The following AGAP3 variants were observed in gnomAD, a reference collection of about 807,000 sequenced individuals.
The protein encoded by AGAP3 is ArfGAP with GTPase domain, ankyrin repeat and PH domain 3.
In AGAP3, 24 loss-of-function variants were observed where a neutral mutation model predicts 96.9. The observed-to-expected ratio is 0.25, with a 90% confidence interval of 0.18 to 0.35. The LOEUF (loss-of-function observed/expected upper bound fraction) is 0.35, where lower values mean the gene tolerates loss of function less well. Among genes scored for constraint, AGAP3 ranks in the 10% least tolerant of loss-of-function variants. The pLI is 1.00. For synonymous variants in AGAP3, 563 were observed against 536.1 expected, an observed-to-expected ratio of 1.05 and a Z score of -0.69; for missense variants, 876 against 1,254.2, an observed-to-expected ratio of 0.70 and a Z score of 4.55.
chr7:151,122,933 CA>C, intron 8 of AGAP3: 2 of 1,454,690 alleles, frequency 1.4e-6, no homozygotes, highest in Non-Finnish European at 1.8e-6. Flanking sequence ...TAACTAACCC[CA>C]CCCCCAGGGA....
intron 12 of AGAP3, 24 bp downstream of exon 12, chr7:151,138,337 C>A: frequency 6.3e-7 from 1 of 1,588,224 alleles, no homozygotes; most frequent in Non-Finnish European, 8.6e-7. Context: ...CTGCTGCTTC[C>A]CACCTTTTCT....
intron 10 of AGAP3, among the ~76,000 whole-genome samples, chr7:151,131,630 G>A (rs1800406836): frequency 6.6e-6 from 1 of 152,186 alleles, no homozygotes; most frequent in East Asian, 1.9e-4. Context: ...GGGCACGAGG[G>A]CGTGGAATCC....
Position 151,142,748 on chromosome 7 carries a change from G to A in AGAP3, c.2273+114G>A, listed in dbSNP as rs1188693699. ...ATTAGAAGGGTTAAAACTGTCTGTTGCTCTGCTTGGCAGTTGGCCCCTTGG... is the reference window on the plus strand; with the variant it reads ...ATTAGAAGGGTTAAAACTGTCTGTTACTCTGCTTGGCAGTTGGCCCCTTGG... On this transcript the variant is annotated intron_variant, in intron 16 of 17. Coordinates refer to ENST00000397238, the MANE Select transcript of AGAP3 (RefSeq NM_031946.7). The surrounding 1 kb of genome is among the most constrained non-coding windows in gnomAD (Gnocchi z 7.5). 2.6e-6 allele frequency: 3 copies of A among 1,175,752 alleles called. No individual in the cohort carries two copies. The Admixed American group carries it at 6.8e-5, about 27-fold the overall frequency. The allele number at this position is 1,175,752 out of a possible 1,614,324, so 72.8% of individuals were successfully genotyped here.
rs1799806648 is a variant in AGAP3, at chr7:151,120,130, C to T, written c.1113C>T (p.Arg371=). Residue 371 remains arginine, a synonymous_variant, in exon 8 of 18, where the codon CGC becomes CGT. Transcript: ENST00000397238. ...PTPIRKQSKR[R]SNIFTSRKGA... Reference sequence around the variant, plus strand: ...CCATCCGAAAGCAGTCCAAGCGGCGCTCCAACATCTTCACGGTACGTGACT... The same window carrying T: ...CCATCCGAAAGCAGTCCAAGCGGCGTTCCAACATCTTCACGGTACGTGACT... The T allele has an allele frequency of 6.2e-7, 1 of 1,611,238 alleles. No individual in the cohort carries two copies.
At chr7:151,090,943 C>CA (rs946951446) in intron 1 of AGAP3, among the ~76,000 whole-genome samples, 15 of 149,926 alleles carry the variant, frequency 1.0e-4, no homozygotes, top group Non-Finnish European at 1.8e-4. Flanking sequence ...GACTCCGTCT[C>CA]AAAAAAAAAC....
chr7:151,114,560 C>A lies in AGAP3; in HGVS notation c.332-2233C>A. ...GCCGCCGTTCCCGGGCGTTCCAGGC[C>A]AGACTTGCCGCCTCTCTCTCCGGGC... On this transcript the variant is annotated intron_variant, in intron 1 of 17. Transcript: ENST00000397238. The surrounding 1 kb of genome is among the most constrained non-coding windows in gnomAD (Gnocchi z 4.4). 3.1e-6 allele frequency: 1 copy of A among 322,466 alleles called. No homozygotes were observed. Among genetic ancestry groups the A allele is most frequent in the Non-Finnish European group, 4.5e-6 (1 of 222,718 alleles). 20.0% of individuals were successfully genotyped at this position (322,466 alleles called of 1,614,324 possible).
At chr7:151,097,606 G>C (rs1020641075) in intron 1 of AGAP3, among the ~76,000 whole-genome samples, 3 of 151,950 alleles carry the variant, frequency 2.0e-5, no homozygotes, top group Non-Finnish European at 4.4e-5. Flanking sequence ...AGCATCTGCT[G>C]TGCTTCCGGG....
intron 10 of AGAP3, among the ~76,000 whole-genome samples, chr7:151,132,233 C>A (rs1329410916): frequency 1.3e-5 from 2 of 152,198 alleles, no homozygotes; most frequent in African/African-American, 4.8e-5. Context: ...AAGCTGTGGG[C>A]AGAGTCCTTC....
intron 1 of AGAP3, among the ~76,000 whole-genome samples, chr7:151,098,718 A>G (rs1798709421): frequency 6.8e-6 from 1 of 146,270 alleles, no homozygotes; most frequent in Admixed American, 6.9e-5. Flanking sequence ...ATCCTCTTTG[A>G]TTCAATTTTC....
chr7:151,115,343 C>G, intron 1 of AGAP3: 1 of 1,019,032 alleles, frequency 9.8e-7, no homozygotes, highest in Non-Finnish European at 1.2e-6. Context: ...AGAGCTTCAG[C>G]TTCCGCCTGC....
intron 1 of AGAP3, among the ~76,000 whole-genome samples, chr7:151,107,183 A>C (rs79534166): frequency 6.6e-6 from 1 of 151,740 alleles, no homozygotes; most frequent in African/African-American, 2.4e-5. Context: ...GGTGGCACGC[A>C]CCTGTAATCC....
Position 151,142,441 on chromosome 7 carries a change from G to T in AGAP3, c.2080G>T (p.Ala694Ser), listed in dbSNP as rs1286818066. Residue 694 changes from alanine (A) to serine (S), a missense_variant, in exon 16 of 18, where the codon GCC becomes TCC. Ala to Ser is a moderately conservative substitution (Grantham distance 99, BLOSUM62 1). Around this residue, in one of 8 missense-constraint regions of AGAP3, gnomAD observed 103 missense variants for 183.0 expected, o/e 0.56. Transcript: ENST00000397238. The surrounding 1 kb of genome is among the most constrained non-coding windows in gnomAD (Gnocchi z 7.5). ...NPDWASLNLG[A>S]LMCIECSGIH... Reference sequence around the variant, plus strand: ...AGACTGGGCCAGCCTGAACCTGGGTGCCCTGATGTGCATTGAGTGCTCAGG... The same window carrying T: ...AGACTGGGCCAGCCTGAACCTGGGTTCCCTGATGTGCATTGAGTGCTCAGG... 1.2e-6 allele frequency: 2 copies of T among 1,613,942 alleles called. No homozygotes were observed. Among genetic ancestry groups the T allele is most frequent in the Non-Finnish European group, 8.5e-7 (1 of 1,179,990 alleles).
chr7:151,136,336 T>C (rs946798741), intron 11 of AGAP3: 22 of 152,210 alleles, frequency 1.4e-4, no homozygotes, highest in Admixed American at 5.2e-4. Context: ...GGCAGTGGCA[T>C]GGAGGAGACA....
chr7:151,091,985 C>A (rs761364273), intron 1 of AGAP3, among the ~76,000 whole-genome samples: 1 of 145,450 alleles, frequency 6.9e-6, no homozygotes, highest in Non-Finnish European at 1.5e-5. Context: ...CTCTGCAGCT[C>A]GGGTGTTGAG....
In AGAP3 at chr7:151,134,900, C is replaced by T. The variant is rs577473266; in HGVS notation, c.1495+332C>T. 1.2e-3 allele frequency among the ~76,000 whole-genome samples: 186 copies of T among 152,142 alleles called. 1 individual carries two copies. The highest frequency in any genetic ancestry group is 4.2e-3 in the African/African-American group (173 of 41,506). On this transcript the variant is annotated intron_variant, in intron 11 of 17. Coordinates refer to ENST00000397238, the MANE Select transcript of AGAP3 (RefSeq NM_031946.7). The stretch of plus-strand genomic sequence containing the variant: ...GGGGCCATGCCTCTGGGTGCATGGC[C>T]GGCATCTCAGCCAAGGTTGGCATAT...
chr7:151,141,181 G>A lies in AGAP3; in HGVS notation c.1805-717G>A, dbSNP rs1800798584. 2 of 152,514 alleles carry A rather than the reference G, an allele frequency of 1.3e-5. No homozygotes were observed. The highest frequency in any genetic ancestry group is 1.3e-4 in the Admixed American group (2 of 15,290). 9.4% of individuals were successfully genotyped at this position (152,514 alleles called of 1,614,324 possible). A position where few individuals can be genotyped will look rare whatever the true frequency, so the allele number is the denominator to read the frequency against. ...TCACCCATGGGGCAGTGACCATTGG[G>A]AATGAGATTCATGCGGCTGTCTTCT... is the stretch of plus-strand genomic sequence containing the variant. On this transcript the variant is annotated intron_variant, in intron 13 of 17. Transcript: ENST00000397238. The surrounding 1 kb of genome is among the most constrained non-coding windows in gnomAD (Gnocchi z 4.2).
chr7:151,121,188 C>T (rs1057011273), intron 8 of AGAP3, among the ~76,000 whole-genome samples: 1 of 152,218 alleles, frequency 6.6e-6, no homozygotes, highest in African/African-American at 2.4e-5. Flanking sequence ...GGCTGCCTGC[C>T]TCTGTCCCGA....
upstream of AGAP3, among the ~76,000 whole-genome samples, chr7:151,086,361 G>T (rs1410824208): frequency 1.4e-5 from 2 of 144,038 alleles, no homozygotes; most frequent in African/African-American, 5.0e-5. Context: ...CGCGCAGGAG[G>T]GGCGGGGGCG....
Position 151,128,641 on chromosome 7 carries a change from C to T in AGAP3, c.1283C>T (p.Thr428Met), listed in dbSNP as rs745840242. ...AAGGAGTGGAAGAAGAAGTATGTGA[C>T]GCTCTGTGACAACGGGCTGCTCACC... Reference protein sequence around the residue: ...LNKEWKKKYVTLCDNGLLTYH... With the variant: ...LNKEWKKKYVMLCDNGLLTYH... The change falls in exon 10 of 18, where the codon ACG (threonine) becomes ATG (methionine). Residue 428 changes from threonine to methionine, a missense_variant. This residue lies in a region of AGAP3 where 63 missense variants were observed against 114.5 expected (regional missense o/e 0.55). Coordinates refer to ENST00000397238, the MANE Select transcript of AGAP3 (RefSeq NM_031946.7). 1.3e-5 allele frequency: 21 copies of T among 1,613,618 alleles called. No individual in the cohort carries two copies. The highest frequency in any genetic ancestry group is 1.4e-5 in the Non-Finnish European group (16 of 1,179,910).
Sources: gnomAD v4.1 joint callset for allele counts (sites outside exome capture counted in the v4.1 genomes callset) on GRCh38, gnomAD v4.1.1 for gene constraint, gnomAD v4.1.1 regional missense constraint, Gnocchi (gnomAD v3.1) non-coding constraint, MANE v1.5 for transcripts, NCBI Gene and HGNC (gene_info 2026-07-23, HGNC 2026-07-21) for gene names.